Variants in SYNE3 observed in about 807,000 individuals in gnomAD.
The protein encoded by SYNE3 is nesprin-3.
A neutral mutation model predicts 111.2 loss-of-function variants in SYNE3; 100 were observed. The ratio of observed to expected loss-of-function variants is 0.90; its 90% CI spans 0.77 to 1.06. The LOEUF (loss-of-function observed/expected upper bound fraction) is 1.06, where lower values mean the gene tolerates loss of function less well. Among genes scored for constraint, SYNE3 ranks in the 50% least tolerant of loss-of-function variants. The pLI, the probability that SYNE3 is intolerant of heterozygous loss-of-function variation, is 0.00. For missense variants in SYNE3, 1,160 were observed against 1,240.3 expected (o/e 0.94, Z 0.97); for synonymous variants, 547 against 533.9 (o/e 1.02, Z -0.34).
chr14:95,445,894 C>G lies in SYNE3; in HGVS notation c.1632+15G>C. 6.2e-7 allele frequency: 1 copy of G among 1,611,288 alleles called. No individual in the cohort carries two copies. The highest frequency in any genetic ancestry group is 1.3e-5 in the African/African-American group (1 of 75,024). On this transcript the variant is annotated intron_variant, in intron 9 of 17. Coordinates refer to ENST00000682763, the MANE Select transcript of SYNE3 (RefSeq NM_152592.6). The stretch of plus-strand genomic sequence containing the variant: ...GGCCAAGCCAAGTCCCGAGCAGATG[C>G]CTGGTGCTGCACACCTGCAGTTTGC...
At position 95,426,876 on chromosome 14, in the gene SYNE3, G is replaced by A. The variant is rs1372626040; in HGVS notation, c.2727+5203C>T. On this transcript the variant is annotated intron_variant, in intron 17 of 17. Transcript: ENST00000682763. ...GGAGAATGGCGTGAACCCAGGAGGC[G>A]GAGCTTGCAGTGATCCAAGATCGCA... Among the ~76,000 whole-genome samples the A allele has an allele frequency of 1.0e-4, 15 of 148,834 alleles. No homozygotes were observed. In the South Asian group the frequency reaches 1.7e-3, roughly 17 times the overall value.
At chr14:95,503,290 C>T (rs1394035159) in intron 1 of SYNE3, among the ~76,000 whole-genome samples, 1 of 152,228 alleles carries the variant, frequency 6.6e-6, no homozygotes, top group Admixed American at 6.5e-5. Flanking sequence ...CCTTTGTATA[C>T]CAGTCTCTAA....
chr14:95,441,710 A>T (rs988852598), intron 11 of SYNE3, among the ~76,000 whole-genome samples: 2 of 152,282 alleles, frequency 1.3e-5, no homozygotes, highest in African/African-American at 4.8e-5. Flanking sequence ...CTATTTCTCT[A>T]CTGCCTCGAC....
chr14:95,513,770 TA>T (rs1374222399), intron 1 of SYNE3, among the ~76,000 whole-genome samples: 3 of 132,940 alleles, frequency 2.3e-5, no homozygotes, highest in Non-Finnish European at 4.8e-5. Context: ...TATATATATA[TA>T]TTCAGAATCC....
chr14:95,442,318 A>G (rs191231574), intron 11 of SYNE3, among the ~76,000 whole-genome samples: 2 of 152,226 alleles, frequency 1.3e-5, no homozygotes, highest in East Asian at 3.9e-4. Flanking sequence ...ATTGGACAAT[A>G]TTGTATTATA....
At chr14:95,493,238 T>C (rs993040697) in intron 1 of SYNE3, among the ~76,000 whole-genome samples, 2 of 152,216 alleles carry the variant, frequency 1.3e-5, no homozygotes, top group South Asian at 4.1e-4. Context: ...GTACGTTCCA[T>C]TTACTGAGCA....
intron 8 of SYNE3, among the ~76,000 whole-genome samples, chr14:95,448,221 G>T (rs1798511877): frequency 6.6e-6 from 1 of 152,148 alleles, no homozygotes; most frequent in Admixed American, 6.5e-5. Context: ...AGATATAAAG[G>T]ACAGATTTGG....
At chr14:95,456,968 C>T (rs1887483516) in intron 5 of SYNE3, among the ~76,000 whole-genome samples, 1 of 151,772 alleles carries the variant, frequency 6.6e-6, no homozygotes, top group South Asian at 2.1e-4. Context: ...GCCTGTAGTC[C>T]CAGCTACTCA....
chr14:95,460,672 G>A (rs1189453565), intron 4 of SYNE3, among the ~76,000 whole-genome samples: 1 of 152,202 alleles, frequency 6.6e-6, no homozygotes, highest in Non-Finnish European at 1.5e-5. Context: ...CAGCCCTAAG[G>A]ATGGCTCCGG....
chr14:95,510,045 G>C (rs180735035), intron 1 of SYNE3, among the ~76,000 whole-genome samples: 1 of 152,310 alleles, frequency 6.6e-6, no homozygotes, highest in East Asian at 1.9e-4. Flanking sequence ...TGAGGCTCAG[G>C]CTGGCTCCAC....
chr14:95,499,394 C>G (rs1208212150), intron 1 of SYNE3, among the ~76,000 whole-genome samples: 2 of 152,136 alleles, frequency 1.3e-5, no homozygotes, highest in Non-Finnish European at 2.9e-5. Context: ...CTTCCCACCT[C>G]CTCTACTTGC....
At chr14:95,507,299 G>T (rs1890564166) in intron 1 of SYNE3, among the ~76,000 whole-genome samples, 1 of 152,168 alleles carries the variant, frequency 6.6e-6, no homozygotes, top group Non-Finnish European at 1.5e-5. Flanking sequence ...GTCCACCTCA[G>T]CCAATGTCAG....
At chr14:95,447,313 T>G (rs1055337497) in intron 8 of SYNE3, among the ~76,000 whole-genome samples, 2 of 152,054 alleles carry the variant, frequency 1.3e-5, no homozygotes, top group African/African-American at 4.8e-5. Context: ...TTTTTGTATT[T>G]TTTTAGTAGA....
chr14:95,489,249 C>T (rs984724300), intron 1 of SYNE3, among the ~76,000 whole-genome samples: 1 of 152,216 alleles, frequency 6.6e-6, no homozygotes, highest in East Asian at 1.9e-4. Flanking sequence ...CTGAGCTCCC[C>T]AGCAGCACAT....
intron 1 of SYNE3, among the ~76,000 whole-genome samples, chr14:95,507,252 T>G (rs1359707720): frequency 6.6e-6 from 1 of 152,212 alleles, no homozygotes; most frequent in Non-Finnish European, 1.5e-5. Flanking sequence ...CTCCTCCCAC[T>G]GGGCAGCGCT....
intron 2 of SYNE3, among the ~76,000 whole-genome samples, chr14:95,468,428 C>T (rs1888327975): frequency 6.6e-6 from 1 of 152,232 alleles, no homozygotes; most frequent in Non-Finnish European, 1.5e-5. Flanking sequence ...CAACCCAGGG[C>T]CCAGCTGAGC....
intron 2 of SYNE3, among the ~76,000 whole-genome samples, chr14:95,474,262 G>T (rs1888739670): frequency 6.6e-6 from 1 of 152,260 alleles, no homozygotes; most frequent in African/African-American, 2.4e-5. Context: ...TTTTCCTTTG[G>T]TGGACAGTGA....
At position 95,439,927 on chromosome 14, in the gene SYNE3, T is replaced by C. The variant is rs2139392745; in HGVS notation, c.2060A>G (p.Glu687Gly). Reference protein sequence around the residue: ...EAGPGDAESQEAEFERLVAEF... With the variant: ...EAGPGDAESQGAEFERLVAEF... ...CCACCGCCTTACCTCAAACTCGGCC[T>C]CTTGGGACTCGGCATCCCCCGGGCC... Residue 687 changes from glutamate (E) to glycine (G), a missense_variant, in exon 12 of 18, where the codon GAG becomes GGG. By Grantham distance (98) the Glu-to-Gly change is moderately conservative. Coordinates refer to ENST00000682763, the MANE Select transcript of SYNE3 (RefSeq NM_152592.6). The C allele has an allele frequency of 4.3e-6, 7 of 1,612,752 alleles. No homozygotes were observed. Among genetic ancestry groups the C allele is most frequent in the Middle Eastern group, 1.7e-4 (1 of 6,058 alleles).
At chr14:95,433,967 C>T (rs1885938228) in intron 15 of SYNE3, among the ~76,000 whole-genome samples, 1 of 152,048 alleles carries the variant, frequency 6.6e-6, no homozygotes, top group Non-Finnish European at 1.5e-5. Context: ...TAATATGGGA[C>T]ACCTTGCTTA....
Sources: gnomAD v4.1 joint callset for allele counts (sites outside exome capture counted in the v4.1 genomes callset) on GRCh38, gnomAD v4.1.1 for gene constraint, MANE v1.5 for transcripts, NCBI Gene and HGNC (gene_info 2026-07-23, HGNC 2026-07-21) for gene names.